The following SPOP variants were observed in gnomAD, a reference collection of about 807,000 sequenced individuals.
SPOP encodes the protein speckle-type POZ protein.
In SPOP, 11 loss-of-function variants were observed where a neutral mutation model predicts 45.6. That is an observed-to-expected ratio of 0.24 (90% CI 0.15 to 0.40). SPOP has a LOEUF of 0.40. Ranked by LOEUF, SPOP falls within the 10% of genes least tolerant of loss-of-function variation. SPOP has a pLI of 1.00. For missense variants in SPOP, 152 were observed against 465.6 expected (o/e 0.33, Z 6.20); for synonymous variants, 166 against 166.3 (o/e 1.00, Z 0.01).
chr17:49,600,673 G>T lies in SPOP; in HGVS notation c.981-151C>A. The T allele has an allele frequency of 2.5e-6, 2 of 799,544 alleles. No homozygotes were observed. Among genetic ancestry groups the T allele is most frequent in the South Asian group, 1.8e-5 (1 of 55,780 alleles). 49.5% of individuals were successfully genotyped at this position (799,544 alleles called of 1,614,324 possible). A position where few individuals can be genotyped will look rare whatever the true frequency, so the allele number is the denominator to read the frequency against. On this transcript the variant is annotated intron_variant, in intron 9 of 9. Transcript: ENST00000504102. This position sits in a 1 kb window ranked among gnomAD's most constrained non-coding sequence, Gnocchi z 4.2. ...CCTTAATATGCATAAGAATTTGCTT[G>T]TTAGACAATGAGCAGACTGGTGACT...
intron 1 of SPOP, among the ~76,000 whole-genome samples, chr17:49,652,280 G>A (rs187890861): frequency 3.9e-5 from 6 of 152,320 alleles, no homozygotes; most frequent in Admixed American, 3.3e-4. Flanking sequence ...CTGTAGTAGA[G>A]TCACCAGAGA....
At chr17:49,649,507 G>A (rs1193363982) in intron 1 of SPOP, among the ~76,000 whole-genome samples, 2 of 150,450 alleles carry the variant, frequency 1.3e-5, no homozygotes, top group Non-Finnish European at 3.0e-5. Flanking sequence ...TTCCACTCCA[G>A]CCTGGGCAAC....
At chr17:49,653,534 G>A (rs1597970621) in intron 1 of SPOP, among the ~76,000 whole-genome samples, 2 of 152,134 alleles carry the variant, frequency 1.3e-5, no homozygotes, top group Middle Eastern at 6.8e-3. Flanking sequence ...TGCAAACAAT[G>A]TAGCAAACAA....
At chr17:49,650,705 A>C (rs533875842) in intron 1 of SPOP, among the ~76,000 whole-genome samples, 2 of 152,374 alleles carry the variant, frequency 1.3e-5, no homozygotes, top group South Asian at 4.1e-4. Context: ...AGTGATAGTA[A>C]AAATTGACAA....
In SPOP at chr17:49,600,268, T is replaced by C; in HGVS notation, c.*110A>G. On this transcript the variant is annotated 3_prime_UTR_variant, in exon 10 of 10. Coordinates refer to ENST00000504102, the MANE Select transcript of SPOP (RefSeq NM_001007228.2). This position sits in a 1 kb window ranked among gnomAD's most constrained non-coding sequence, Gnocchi z 4.2. ...GGGGCCACAATGCAGTCTCTTCCCC[T>C]CACAACAGAGTAAAAGCTCCACAGA... 6.9e-7 allele frequency: 1 copy of C among 1,452,508 alleles called. No individual in the cohort carries two copies. The highest frequency in any genetic ancestry group is 9.5e-7 in the Non-Finnish European group (1 of 1,051,948). The allele number at this position is 1,452,508 out of a possible 1,614,324, so 90.0% of individuals were successfully genotyped here.
In SPOP at chr17:49,622,888, C is replaced by T; in HGVS notation, c.-66-12G>A. 2.6e-6 allele frequency: 3 copies of T among 1,145,164 alleles called. No individual in the cohort carries two copies. Among genetic ancestry groups the T allele is most frequent in the South Asian group, 2.5e-5 (2 of 80,672 alleles). The allele number at this position is 1,145,164 out of a possible 1,614,324, so 70.9% of individuals were successfully genotyped here. A position where few individuals can be genotyped will look rare whatever the true frequency, so the allele number is the denominator to read the frequency against. ...GTTCCCTCTTCACCCTGGTCAGATC[C>T]AAGAAGCAAGAAAACTTTATTAGAT... On this transcript the variant is annotated splice_polypyrimidine_tract_variant and intron_variant, in intron 1 of 9. Coordinates refer to ENST00000504102, the MANE Select transcript of SPOP (RefSeq NM_001007228.2).
chr17:49,646,238 A>T (rs1472327093), intron 1 of SPOP: 1 of 152,204 alleles, frequency 6.6e-6, no homozygotes, highest in East Asian at 1.9e-4. Context: ...ACTATAGTCT[A>T]GTGGAAACCA....
intron 1 of SPOP, among the ~76,000 whole-genome samples, chr17:49,660,088 T>G (rs2072967069): frequency 6.6e-6 from 1 of 152,106 alleles, no homozygotes; most frequent in African/African-American, 2.4e-5. Flanking sequence ...GCACCAGGAG[T>G]AGAAAAAGTT....
At chr17:49,605,999 A>T (rs925704110) in intron 8 of SPOP, among the ~76,000 whole-genome samples, 6 of 152,118 alleles carry the variant, frequency 3.9e-5, no homozygotes, top group South Asian at 2.1e-4. Flanking sequence ...CAAAAAAAAA[A>T]AAATAAACAA....
chr17:49,662,113 T>C (rs1014619122), intron 1 of SPOP, among the ~76,000 whole-genome samples: 2 of 151,864 alleles, frequency 1.3e-5, no homozygotes, highest in African/African-American at 4.8e-5. Flanking sequence ...AAAGCTAGAA[T>C]GGAGAATTCT....
intron 1 of SPOP, among the ~76,000 whole-genome samples, chr17:49,641,770 C>T (rs1454293075): frequency 6.6e-6 from 1 of 152,024 alleles, no homozygotes; most frequent in Non-Finnish European, 1.5e-5. Flanking sequence ...GCCTAAAATC[C>T]CAGCGCTTTG....
At chr17:49,648,882 C>T (rs899340203) in intron 1 of SPOP, among the ~76,000 whole-genome samples, 7 of 152,056 alleles carry the variant, frequency 4.6e-5, no homozygotes, top group Admixed American at 6.6e-5. Context: ...CTCAGCCTCC[C>T]GAGTAGCTGG....
At chr17:49,631,067 A>C (rs1186337651) in intron 1 of SPOP, among the ~76,000 whole-genome samples, 1 of 152,234 alleles carries the variant, frequency 6.6e-6, no homozygotes, top group African/African-American at 2.4e-5. Flanking sequence ...ATCTCTGTGA[A>C]GGGCAATGTC....
In SPOP at chr17:49,622,730, T is replaced by TA; in HGVS notation, c.78+2dup. 6.2e-7 allele frequency: 1 copy of TA among 1,613,796 alleles called. No homozygotes were observed. Among genetic ancestry groups the TA allele is most frequent in the Non-Finnish European group, 8.5e-7 (1 of 1,179,728 alleles). Reference sequence around the variant, plus strand: ...GATTCACAGGCTGAAAACTTCAACTTACCTGTGTGTAGCACCAACTCTCAG... The same window carrying TA: ...GATTCACAGGCTGAAAACTTCAACTTAACCTGTGTGTAGCACCAACTCTCAG... On this transcript the variant is annotated splice_region_variant and intron_variant, in intron 2 of 9. Transcript: ENST00000504102.
chr17:49,604,646 G>A (rs1209660402), intron 8 of SPOP, among the ~76,000 whole-genome samples: 1 of 152,066 alleles, frequency 6.6e-6, no homozygotes, highest in Non-Finnish European at 1.5e-5. Flanking sequence ...GTCTACTGCT[G>A]GCAGGATCTA....
At chr17:49,677,720 C>T (rs989567329) in intron 1 of SPOP, among the ~76,000 whole-genome samples, 1 of 151,504 alleles carries the variant, frequency 6.6e-6, no homozygotes, top group African/African-American at 2.4e-5. Context: ...GCGTTTGTGT[C>T]TTCTGAATGC....
chr17:49,603,361 T>C (rs372865553), intron 8 of SPOP, among the ~76,000 whole-genome samples: 3 of 152,376 alleles, frequency 2.0e-5, no homozygotes, highest in Admixed American at 1.3e-4. Flanking sequence ...CCTCTTATCC[T>C]TTCTCAATAC....
chr17:49,613,726 C>T (rs1192214272), intron 5 of SPOP, among the ~76,000 whole-genome samples: 5 of 152,172 alleles, frequency 3.3e-5, no homozygotes, highest in Non-Finnish European at 1.5e-5. Flanking sequence ...GCACCTCTCA[C>T]CAACATTAAA....
intron 1 of SPOP, among the ~76,000 whole-genome samples, chr17:49,632,044 G>A (rs60994888): frequency 0.028 from 4,251 of 152,172 alleles, 203 homozygotes; most frequent in African/African-American, 0.096. Context: ...GCCTAGAATG[G>A]CATAACAGGC....
Sources: gnomAD v4.1 joint callset for allele counts (sites outside exome capture counted in the v4.1 genomes callset) on GRCh38, gnomAD v4.1.1 for gene constraint, Gnocchi (gnomAD v3.1) non-coding constraint, MANE v1.5 for transcripts, NCBI Gene and HGNC (gene_info 2026-07-23, HGNC 2026-07-21) for gene names.